The following ABHD2 variants were observed in gnomAD, a reference collection of about 807,000 sequenced individuals.
The protein encoded by ABHD2 is monoacylglycerol lipase ABHD2.
In ABHD2, 20 loss-of-function variants were observed where a neutral mutation model predicts 48.1. That is an observed-to-expected ratio of 0.42 (90% CI 0.29 to 0.60). The LOEUF (loss-of-function observed/expected upper bound fraction) is 0.60, where lower values mean the gene tolerates loss of function less well. Among genes scored for constraint, ABHD2 ranks in the 20% least tolerant of loss-of-function variants. ABHD2 has a pLI of 0.24. For missense variants in ABHD2, 405 were observed against 550.9 expected, an observed-to-expected ratio of 0.74 and a Z score of 2.65; for synonymous variants, 209 against 214.2, an observed-to-expected ratio of 0.98 and a Z score of 0.21.
At chr15:89,149,727 G>T (rs1400082640) in intron 3 of ABHD2, among the ~76,000 whole-genome samples, 1 of 152,250 alleles carries the variant, frequency 6.6e-6, no homozygotes, top group Admixed American at 6.5e-5. Flanking sequence ...GATAAAAGTA[G>T]TTCAACACCA....
rs1426233511 is a variant in ABHD2 at position 89,088,923 on chromosome 15, G to C, written c.-107+360G>C. On this transcript the variant is annotated intron_variant, in intron 1 of 10. Coordinates refer to ENST00000352732, the MANE Select transcript of ABHD2 (RefSeq NM_152924.5). The surrounding 1 kb of genome is among the most constrained non-coding windows in gnomAD (Gnocchi z 6.8). ...GTTCAGGCTCGGCGAAGAAGGTCCG[G>C]GATCCGCACCTGGAAGGAGAGGGCC... Among the ~76,000 whole-genome samples, 1 of 152,246 alleles carries C rather than the reference G, an allele frequency of 6.6e-6. No individual in the cohort carries two copies. The highest frequency in any genetic ancestry group is 1.5e-5 in the Non-Finnish European group (1 of 68,030).
chr15:89,095,629 A>G (rs979171707), intron 1 of ABHD2, among the ~76,000 whole-genome samples: 1 of 152,302 alleles, frequency 6.6e-6, no homozygotes, highest in Admixed American at 6.5e-5. Flanking sequence ...ATGATTTGGT[A>G]TGCCCGGTAA....
In ABHD2 at chr15:89,189,593, G is replaced by A. The variant is rs1006926996; in HGVS notation, c.926+1290G>A. Among the ~76,000 whole-genome samples the A allele has an allele frequency of 1.3e-5, 2 of 152,196 alleles. No individual in the cohort carries two copies. Among genetic ancestry groups the A allele is most frequent in the Non-Finnish European group, 2.9e-5 (2 of 68,042 alleles). ...TAGATAGGCAGATATTGACCTAAGG[G>A]TATAGGATCTCTGCTTTGCTTCCTT... is the stretch of plus-strand genomic sequence containing the variant. On this transcript the variant is annotated intron_variant, in intron 8 of 10. Transcript: ENST00000352732. This position sits in a 1 kb window ranked among gnomAD's most constrained non-coding sequence, Gnocchi z 4.9.
intron 1 of ABHD2, among the ~76,000 whole-genome samples, chr15:89,108,398 A>G (rs1051641227): frequency 1.3e-5 from 2 of 152,110 alleles, no homozygotes; most frequent in African/African-American, 4.8e-5. Flanking sequence ...TTGTATCCAG[A>G]TTTCACTTCT....
intron 1 of ABHD2, among the ~76,000 whole-genome samples, chr15:89,103,417 C>G (rs950282785): frequency 1.3e-5 from 2 of 152,158 alleles, no homozygotes; most frequent in African/African-American, 4.8e-5. Flanking sequence ...TCCCTTCCCC[C>G]ATTTTATAGA....
Position 89,188,313 on chromosome 15 carries a change from C to A in ABHD2, c.926+10C>A. 6.2e-7 allele frequency: 1 copy of A among 1,613,376 alleles called. No homozygotes were observed. The highest frequency in any genetic ancestry group is 1.3e-5 in the African/African-American group (1 of 75,034). On this transcript the variant is annotated intron_variant, in intron 8 of 10. Coordinates refer to ENST00000352732, the MANE Select transcript of ABHD2 (RefSeq NM_152924.5). The surrounding 1 kb of genome is among the most constrained non-coding windows in gnomAD (Gnocchi z 4.1). ...ATGACAATGTGATGAGGTGTGTCCG[C>A]GCAGGCGGGAGAGGGACGCTCTGGG...
rs2051389100 is a variant in ABHD2, at chr15:89,195,637, T to A, written c.*214T>A. 5.9e-6 allele frequency: 3 copies of A among 505,766 alleles called. No individual in the cohort carries two copies. The Admixed American group carries it at 1.1e-4, about 19-fold the overall frequency. The allele number at this position is 505,766 out of a possible 1,614,324, so 31.3% of individuals were successfully genotyped here. A position where few individuals can be genotyped will look rare whatever the true frequency, so the allele number is the denominator to read the frequency against. ...TTAGTTACTGGTTTTCTCCATTGCA[T>A]TGTTAGGCATGGTGACAAGTGACAG... is the stretch of plus-strand genomic sequence containing the variant. On this transcript the variant is annotated 3_prime_UTR_variant, in exon 11 of 11. Coordinates refer to ENST00000352732, the MANE Select transcript of ABHD2 (RefSeq NM_152924.5). The surrounding 1 kb of genome is among the most constrained non-coding windows in gnomAD (Gnocchi z 5.1).
chr15:89,132,987 A>G (rs2050243761), intron 3 of ABHD2, among the ~76,000 whole-genome samples: 1 of 152,170 alleles, frequency 6.6e-6, no homozygotes, highest in African/African-American at 2.4e-5. Flanking sequence ...AGCTTTTTGT[A>G]ACTGTTCCTC....
At chr15:89,132,791 T>C (rs1475612653) in intron 3 of ABHD2, among the ~76,000 whole-genome samples, 2 of 152,206 alleles carry the variant, frequency 1.3e-5, no homozygotes, top group Non-Finnish European at 2.9e-5. Context: ...AGAACATGCT[T>C]ATCTGCATGG....
intron 3 of ABHD2, among the ~76,000 whole-genome samples, chr15:89,131,203 C>CA (rs1248872606): frequency 6.6e-6 from 1 of 152,200 alleles, no homozygotes; most frequent in African/African-American, 2.4e-5. Flanking sequence ...GGTCCAGCAT[C>CA]AGCCCTCGCT....
chr15:89,081,026 G>T, the ABHD2 span, among the ~76,000 whole-genome samples: 2 of 148,328 alleles, frequency 1.3e-5, no homozygotes, highest in Non-Finnish European at 3.0e-5. Flanking sequence ...TTGAGACAGG[G>T]TCTCACTCTG....
At chr15:89,139,782 A>G (rs995521804) in intron 3 of ABHD2, among the ~76,000 whole-genome samples, 5 of 152,184 alleles carry the variant, frequency 3.3e-5, no homozygotes, top group Admixed American at 1.3e-4. Flanking sequence ...TGTGCACTCA[A>G]GTAAGCAGAG....
In ABHD2 at chr15:89,092,487, T is replaced by C. The variant is rs1312653147; in HGVS notation, c.-107+3924T>C. ...TAATAGAAATTTTAAAATTTTTTAATTCAAATTTTAGTTTTTAAAAATAGG... is the reference window on the plus strand; with the variant it reads ...TAATAGAAATTTTAAAATTTTTTAACTCAAATTTTAGTTTTTAAAAATAGG... On this transcript the variant is annotated intron_variant, in intron 1 of 10. Coordinates refer to ENST00000352732, the MANE Select transcript of ABHD2 (RefSeq NM_152924.5). This position sits in a 1 kb window ranked among gnomAD's most constrained non-coding sequence, Gnocchi z 4.4. 6.6e-6 allele frequency among the ~76,000 whole-genome samples: 1 copy of C among 152,236 alleles called. No homozygotes were observed. Among genetic ancestry groups the C allele is most frequent in the Admixed American group, 6.5e-5 (1 of 15,286 alleles).
chr15:89,044,037 A>G, the ABHD2 span, among the ~76,000 whole-genome samples: 1 of 152,004 alleles, frequency 6.6e-6, no homozygotes, highest in African/African-American at 2.4e-5. Context: ...ATATCTCCCA[A>G]TGCTATCCCT....
At chr15:89,093,327 C>A (rs1363203326) in intron 1 of ABHD2, among the ~76,000 whole-genome samples, 1 of 151,884 alleles carries the variant, frequency 6.6e-6, no homozygotes, top group Admixed American at 6.6e-5. Flanking sequence ...ATTACAGGCA[C>A]ACGCCACCAC....
chr15:89,145,413 G>A (rs1270689320), intron 3 of ABHD2, among the ~76,000 whole-genome samples: 5 of 152,208 alleles, frequency 3.3e-5, no homozygotes, highest in African/African-American at 1.2e-4. Flanking sequence ...TAAAGCAGAT[G>A]CTCAAATAAA....
the ABHD2 span, among the ~76,000 whole-genome samples, chr15:89,076,535 G>T: frequency 3.3e-5 from 5 of 152,160 alleles, no homozygotes; most frequent in African/African-American, 1.2e-4. Flanking sequence ...CCAGGCTGGA[G>T]TGCAGTGGTG....
chr15:89,145,477 G>A (rs533773211), intron 3 of ABHD2, among the ~76,000 whole-genome samples: 2 of 152,316 alleles, frequency 1.3e-5, no homozygotes, highest in African/African-American at 4.8e-5. Context: ...ACAGAAAGAT[G>A]AGCCTTCAGA....
chr15:89,123,416 G>A (rs1196579797), intron 3 of ABHD2, among the ~76,000 whole-genome samples: 1 of 152,172 alleles, frequency 6.6e-6, no homozygotes, highest in African/African-American at 2.4e-5. Flanking sequence ...GCCTTGGTTA[G>A]TGAGCATTTG....
Sources: allele counts gnomAD v4.1 joint callset (sites outside exome capture counted in the v4.1 genomes callset), GRCh38; gene constraint gnomAD v4.1.1; non-coding constraint Gnocchi (gnomAD v3.1); transcripts MANE v1.5; gene names NCBI Gene and HGNC (gene_info 2026-07-23, HGNC 2026-07-21).